Variants in DHX38 observed in about 807,000 individuals in gnomAD.
The protein encoded by DHX38 is pre-mRNA-splicing factor ATP-dependent RNA helicase PRP16.
A neutral mutation model predicts 153.1 loss-of-function variants in DHX38; 100 were observed. The observed-to-expected ratio is 0.65, with a 90% confidence interval of 0.56 to 0.77. The LOEUF is 0.77. DHX38 is among the 30% of genes least tolerant of loss of function. The pLI is 0.00. For synonymous variants in DHX38, 650 were observed against 631.7 expected (o/e 1.03, Z -0.43); for missense variants, 1,440 against 1,654.0 (o/e 0.87, Z 2.24).
In DHX38 at chr16:72,103,620, C is replaced by T. The variant is rs370823485; in HGVS notation, c.1656C>T (p.Ile552=). 6.0e-5 allele frequency: 96 copies of T among 1,609,300 alleles called. No homozygotes were observed. The highest frequency in any genetic ancestry group is 2.2e-4 in the South Asian group (20 of 91,002). The change falls in exon 13 of 27, where the codon ATC becomes ATT. Residue 552 remains isoleucine, a synonymous_variant. Transcript: ENST00000268482. ...CTTGTAGAGACAACAGCATCGTGATCGTGGTTGGGGAGACGGGGAGTGGTA... is the reference window on the plus strand; with the variant it reads ...CTTGTAGAGACAACAGCATCGTGATTGTGGTTGGGGAGACGGGGAGTGGTA... ...LTIIRDNSIV[I]VVGETGSGKT... is the part of the protein sequence containing the mutation.
In DHX38 at chr16:72,098,527, T is replaced by C. The variant is rs1050118105; in HGVS notation, c.617-118T>C. On this transcript the variant is annotated intron_variant, in intron 4 of 26. Transcript: ENST00000268482. ...ACCGATCTTAACCGTTATAGATACA[T>C]GCAAGGTTTAGAAATAGTAAAAGGA... is the stretch of plus-strand genomic sequence containing the variant. 3.1e-6 allele frequency: 4 copies of C among 1,301,176 alleles called. No homozygotes were observed. In the African/African-American group the frequency reaches 4.4e-5, roughly 14 times the overall value. 80.6% of individuals were successfully genotyped at this position (1,301,176 alleles called of 1,614,324 possible).
chr16:72,103,171 C>T lies in DHX38; in HGVS notation c.1597C>T (p.Pro533Ser). 6.2e-7 allele frequency: 1 copy of T among 1,614,198 alleles called. No individual in the cohort carries two copies. Among genetic ancestry groups the T allele is most frequent in the Non-Finnish European group, 8.5e-7 (1 of 1,180,028 alleles). ...CATCCTGGAGCAGAGGCAGTACCTG[C>T]CCATCTTTGCAGTGCAGCAGGAGCT... ...KSILEQRQYL[P>S]IFAVQQELLT... The change falls in exon 12 of 27, where the codon CCC becomes TCC. Residue 533 changes from proline to serine, a missense_variant. Around this residue, in one of 6 missense-constraint regions of DHX38, gnomAD observed 241 missense variants for 229.5 expected, o/e 1.05. Coordinates refer to ENST00000268482, the MANE Select transcript of DHX38 (RefSeq NM_014003.4).
In DHX38 at chr16:72,107,713, A is replaced by G; in HGVS notation, c.2878A>G (p.Ile960Val). The change falls in exon 21 of 27, where the codon ATC becomes GTC. Residue 960 changes from isoleucine to valine, a missense_variant. Ile to Val is a conservative substitution (Grantham distance 29). Coordinates refer to ENST00000268482, the MANE Select transcript of DHX38 (RefSeq NM_014003.4). The surrounding 1 kb of genome is among the most constrained non-coding windows in gnomAD (Gnocchi z 5.3). ...GGACCCTGCCCTGTCCAAGATGCTC[A>G]TCGTGTCCTGTGACATGGGCTGCAG... ...PLDPALSKML[I>V]VSCDMGCSSE... 4.3e-6 allele frequency: 7 copies of G among 1,614,090 alleles called. No individual in the cohort carries two copies. Among genetic ancestry groups the G allele is most frequent in the Non-Finnish European group, 5.9e-6 (7 of 1,180,020 alleles).
chr16:72,104,158 T>C lies in DHX38; in HGVS notation c.2010+27T>C, dbSNP rs1333136672. The C allele has an allele frequency of 4.3e-6, 7 of 1,609,528 alleles. No individual in the cohort carries two copies. In the Admixed American group the frequency reaches 1.0e-4, roughly 23 times the overall value. On this transcript the variant is annotated intron_variant, in intron 14 of 26. Transcript: ENST00000268482. This position sits in a 1 kb window ranked among gnomAD's most constrained non-coding sequence, Gnocchi z 4.5. ...TGAGGGCTGTGTGGTTTGGTCTCTC[T>C]GCGCATGGGGTGTTGACCAGTGCAC...
chr16:72,104,908 G>T lies in DHX38; in HGVS notation c.2152-119G>T. ...GCAGTCAGGCCCATGTGGAGGTGTG[G>T]TGGCCCTCAAAGTCCATGGCTCCAT... On this transcript the variant is annotated intron_variant, in intron 15 of 26. Coordinates refer to ENST00000268482, the MANE Select transcript of DHX38 (RefSeq NM_014003.4). This position sits in a 1 kb window ranked among gnomAD's most constrained non-coding sequence, Gnocchi z 4.5. 1 of 1,019,464 alleles carries T rather than the reference G, an allele frequency of 9.8e-7. No individual in the cohort carries two copies. 63.2% of individuals were successfully genotyped at this position (1,019,464 alleles called of 1,614,324 possible).
chr16:72,104,315 G>T lies in DHX38; in HGVS notation c.2011-171G>T. 8.5e-7 allele frequency: 1 copy of T among 1,180,720 alleles called. No individual in the cohort carries two copies. The allele number at this position is 1,180,720 out of a possible 1,614,324, so 73.1% of individuals were successfully genotyped here. A position where few individuals can be genotyped will look rare whatever the true frequency, so the allele number is the denominator to read the frequency against. ...GTTCTTGCTCTGCTGAGGGTGGCTT[G>T]GGGTTTTCTGGGCAGTGGCTCCATT... On this transcript the variant is annotated intron_variant, in intron 14 of 26. Transcript: ENST00000268482. The surrounding 1 kb of genome is among the most constrained non-coding windows in gnomAD (Gnocchi z 4.5).
chr16:72,096,496 T>C lies in DHX38; in HGVS notation c.323+16T>C, dbSNP rs777043751. 1.9e-6 allele frequency: 3 copies of C among 1,604,780 alleles called. No individual in the cohort carries two copies. Among genetic ancestry groups the C allele is most frequent in the South Asian group, 2.2e-5 (2 of 90,372 alleles). On this transcript the variant is annotated intron_variant, in intron 2 of 26. Transcript: ENST00000268482. ...GGAAAGACAGGTAAAGGCCTTAGTA[T>C]GGGTTAGCCCAGAGGGAAGCGAACG...
chr16:72,109,500 A>T lies in DHX38; in HGVS notation c.3467A>T (p.Lys1156Met). 3 of 1,611,884 alleles carry T rather than the reference A, an allele frequency of 1.9e-6. No homozygotes were observed. Among genetic ancestry groups the T allele is most frequent in the South Asian group, 1.1e-5 (1 of 90,700 alleles). ...TTCTATAGCGTGAAACAGGCGGGCA[A>T]GTCACGGCAGGTGAGGATTCTGTGC... is the stretch of plus-strand genomic sequence containing the variant. ...PMFYSVKQAG[K>M]SRQENRRRAK... is the part of the protein sequence containing the mutation. Residue 1156 changes from lysine (K) to methionine (M), a missense_variant, in exon 25 of 27, where the codon AAG becomes ATG. Lys to Met is a moderately conservative substitution (Grantham distance 95). Coordinates refer to ENST00000268482, the MANE Select transcript of DHX38 (RefSeq NM_014003.4).
rs2042123026 is a variant in DHX38, at chr16:72,103,117, G to T, written c.1543G>T (p.Ala515Ser). ...FADHMKRKSE[A>S]SSEFAKKKSI... ...AGATCACATGAAGAGAAAGAGCGAA[G>T]CCAGCAGTGAATTTGCAAAGAAGAA... Residue 515 changes from alanine to serine, a missense_variant, in exon 12 of 27, where the codon GCC (alanine) becomes TCC (serine). By Grantham distance (99) the Ala-to-Ser change is moderately conservative (BLOSUM62 1). Coordinates refer to ENST00000268482, the MANE Select transcript of DHX38 (RefSeq NM_014003.4). The T allele has an allele frequency of 6.2e-7, 1 of 1,614,120 alleles. No homozygotes were observed. The highest frequency in any genetic ancestry group is 8.5e-7 in the Non-Finnish European group (1 of 1,180,050).
At position 72,108,386 on chromosome 16, in the gene DHX38, G is replaced by A; in HGVS notation, c.3120+4G>A. On this transcript the variant is annotated splice_donor_region_variant and intron_variant, in intron 22 of 26. Coordinates refer to ENST00000268482, the MANE Select transcript of DHX38 (RefSeq NM_014003.4). ...CCATGCTAAGGCCATGCGGAAGGTAGAGTGGTGGATGAGCAGGATGTTGGG... is the reference window on the plus strand; with the variant it reads ...CCATGCTAAGGCCATGCGGAAGGTAAAGTGGTGGATGAGCAGGATGTTGGG... 6.2e-7 allele frequency: 1 copy of A among 1,614,144 alleles called. No homozygotes were observed. Among genetic ancestry groups the A allele is most frequent in the Non-Finnish European group, 8.5e-7 (1 of 1,179,994 alleles).
intron 26 of DHX38, 114 bp from the exon 27 acceptor site, chr16:72,112,299 C>T (rs2042266819): frequency 9.7e-7 from 1 of 1,027,574 alleles, no homozygotes; most frequent in African/African-American, 1.6e-5. Context: ...TCCCTCGGCC[C>T]AGAGCTCCCC....
rs570641198 is a variant in DHX38, at chr16:72,100,665, T to A, written c.1278+68T>A. The A allele has an allele frequency of 6.7e-5, 106 of 1,572,206 alleles. No homozygotes were observed. The African/African-American group carries it at 1.3e-3, about 19-fold the overall frequency. Reference sequence around the variant, plus strand: ...CCTGATGTGGGCCAGGTGCAGTGGCTCATGCCTGTCATCCCGGCACTTTGG... The same window carrying A: ...CCTGATGTGGGCCAGGTGCAGTGGCACATGCCTGTCATCCCGGCACTTTGG... On this transcript the variant is annotated intron_variant, in intron 9 of 26. Transcript: ENST00000268482.
chr16:72,108,173 C>G (rs8051882), intron 21 of DHX38, 54 bp from the exon 22 acceptor site: 5 of 1,595,540 alleles, frequency 3.1e-6, no homozygotes, highest in Non-Finnish European at 4.3e-6. Context: ...GGGATGTGCT[C>G]AGTGGGCCTG....
chr16:72,102,675 A>G (rs1312877166), intron 11 of DHX38, among the ~76,000 whole-genome samples: 1 of 152,218 alleles, frequency 6.6e-6, no homozygotes, highest in African/African-American at 2.4e-5. Context: ...ACCTCCTCAC[A>G]AGGCCTGTGT....
Position 72,099,701 on chromosome 16 carries a change from T to C in DHX38, c.961-31T>C, listed in dbSNP as rs781209286. The C allele has an allele frequency of 1.9e-6, 3 of 1,612,496 alleles. No homozygotes were observed. The Admixed American group carries it at 5.0e-5, about 27-fold the overall frequency. ...CTCGTGCATAAACTTGATCTGTCCCTCACTCCCTTGCTTTGCCTCCTGCCC... is the reference window on the plus strand; with the variant it reads ...CTCGTGCATAAACTTGATCTGTCCCCCACTCCCTTGCTTTGCCTCCTGCCC... On this transcript the variant is annotated intron_variant, in intron 7 of 26. Transcript: ENST00000268482.
intron 11 of DHX38, 95 bp from the exon 12 acceptor site, chr16:72,102,979 C>T: frequency 6.5e-7 from 1 of 1,532,614 alleles, no homozygotes; most frequent in African/African-American, 1.4e-5. Context: ...TTGCCGAAGT[C>T]CTCATTCCTG....
rs531121933 is a variant in DHX38 at position 72,102,831 on chromosome 16, C to T, written c.1500-243C>T. 3.3e-5 allele frequency among the ~76,000 whole-genome samples: 5 copies of T among 152,324 alleles called. No individual in the cohort carries two copies. The South Asian group carries it at 6.2e-4, about 19-fold the overall frequency. ...CTAATATGGTGATCTGTAAATCCTC[C>T]GATCCATGTTCAGCTAGCTCTGTTG... On this transcript the variant is annotated intron_variant, in intron 11 of 26. Transcript: ENST00000268482.
At position 72,104,126 on chromosome 16, in the gene DHX38, C is replaced by T. The variant is rs768906345; in HGVS notation, c.2005C>T (p.Arg669Trp). 31 of 1,613,612 alleles carry T rather than the reference C, an allele frequency of 1.9e-5. No individual in the cohort carries two copies. Among genetic ancestry groups the T allele is most frequent in the Middle Eastern group, 1.6e-4 (1 of 6,080 alleles). ...LNTDVLFGLL[R>W]EVVARRSDLK... Reference sequence around the variant, plus strand: ...CACTGACGTGCTCTTTGGGCTGCTCCGGGAGGTGAGGGCTGTGTGGTTTGG... The same window carrying T: ...CACTGACGTGCTCTTTGGGCTGCTCTGGGAGGTGAGGGCTGTGTGGTTTGG... Residue 669 changes from arginine (R) to tryptophan (W), a missense_variant, in exon 14 of 27, where the codon CGG becomes TGG. Transcript: ENST00000268482. The surrounding 1 kb of genome is among the most constrained non-coding windows in gnomAD (Gnocchi z 4.5).
Position 72,112,595 on chromosome 16 carries a change from C to T in DHX38, c.*98C>T. The T allele has an allele frequency of 1.5e-6, 2 of 1,326,334 alleles. No homozygotes were observed. The highest frequency in any genetic ancestry group is 2.1e-6 in the Non-Finnish European group (2 of 938,000). The allele number at this position is 1,326,334 out of a possible 1,614,324, so 82.2% of individuals were successfully genotyped here. On this transcript the variant is annotated 3_prime_UTR_variant, in exon 27 of 27. Coordinates refer to ENST00000268482, the MANE Select transcript of DHX38 (RefSeq NM_014003.4). ...CGGACAAAGCCCTTTCATCTGAGGA[C>T]TTTCATCTGTGCATATCACGGCCCC...
Sources: gnomAD v4.1 joint callset for allele counts (sites outside exome capture counted in the v4.1 genomes callset) on GRCh38, gnomAD v4.1.1 for gene constraint, gnomAD v4.1.1 regional missense constraint, Gnocchi (gnomAD v3.1) non-coding constraint, MANE v1.5 for transcripts, NCBI Gene and HGNC (gene_info 2026-07-23, HGNC 2026-07-21) for gene names.